Variants in RBFOX1 observed in about 807,000 individuals in gnomAD.
The protein encoded by RBFOX1 is RNA binding fox-1 homolog 1, also known as RNA binding protein fox-1 homolog 1.
In RBFOX1, 8 loss-of-function variants were observed where a neutral mutation model predicts 57.7. That is an observed-to-expected ratio of 0.14 (90% CI 0.08 to 0.25). The LOEUF is 0.25. Among genes scored for constraint, RBFOX1 ranks in the 10% least tolerant of loss-of-function variants. The pLI is 1.00. For missense variants in RBFOX1, 611 were observed against 548.5 expected (o/e 1.11, Z -1.14); for synonymous variants, 326 against 222.4 (o/e 1.47, Z -4.15).
At chr16:6,277,923 C>G (rs1479336332) in intron 1 of RBFOX1, among the ~76,000 whole-genome samples, 1 of 152,118 alleles carries the variant, frequency 6.6e-6, no homozygotes, top group Admixed American at 6.6e-5. Flanking sequence ...TGTAAGCTGT[C>G]TTTCACAGCT....
intron 4 of RBFOX1, among the ~76,000 whole-genome samples, chr16:7,490,171 A>T (rs1318289625): frequency 2.0e-5 from 3 of 152,170 alleles, no homozygotes. Context: ...AATTGGCAGA[A>T]ATGTCTGATT....
At chr16:6,296,815 C>G (rs11077025) in intron 1 of RBFOX1, among the ~76,000 whole-genome samples, 110,155 of 152,084 alleles carry the variant, frequency 0.72, 40,245 homozygotes, top group East Asian at 0.99. Context: ...CATGTGTTAC[C>G]ACACCGAGGT....
At chr16:7,213,708 A>G (rs966018535) in intron 4 of RBFOX1, among the ~76,000 whole-genome samples, 2 of 152,168 alleles carry the variant, frequency 1.3e-5, no homozygotes, top group African/African-American at 4.8e-5. Flanking sequence ...TACTCAAGGG[A>G]CCGAGGTTCC....
At chr16:5,984,978 T>TATATATATATA (rs1567221832) in intron 4 of RBFOX1, among the ~76,000 whole-genome samples, 2 of 51,592 alleles carry the variant, frequency 3.9e-5, no homozygotes, top group African/African-American at 1.8e-4. Flanking sequence ...ATATATATAT[T>TATATATATATA]TTTTTTTTTT....
intron 1 of RBFOX1, among the ~76,000 whole-genome samples, chr16:5,289,596 G>T (rs1016713759): frequency 6.6e-6 from 1 of 152,128 alleles, no homozygotes; most frequent in Non-Finnish European, 1.5e-5. Context: ...TTAAAACGTG[G>T]TTACTACAAA....
chr16:6,112,713 T>G lies in RBFOX1; in HGVS notation c.-127+92721T>G, dbSNP rs78035406. ...TCTCAAAAAAACACCTGGAGCAAGT[T>G]CTGAGGTGAGAGATGGAGTGGAATC... On this transcript the variant is annotated intron_variant, in intron 1 of 15. Coordinates refer to ENST00000550418, the MANE Select transcript of RBFOX1 (RefSeq NM_018723.4). Among the ~76,000 whole-genome samples the G allele has an allele frequency of 0.013, 1,952 of 152,188 alleles. 185 individuals carry two copies. In the East Asian group the frequency reaches 0.24, roughly 18 times the overall value.
At chr16:7,035,291 C>G (rs561121000) in intron 3 of RBFOX1, among the ~76,000 whole-genome samples, 1 of 152,246 alleles carries the variant, frequency 6.6e-6, no homozygotes, top group Non-Finnish European at 1.5e-5. Context: ...ATTCCTCACC[C>G]AGGCTTGCCC....
chr16:6,976,638 C>G (rs1017726341), intron 3 of RBFOX1, among the ~76,000 whole-genome samples: 1 of 150,788 alleles, frequency 6.6e-6, no homozygotes, highest in East Asian at 1.9e-4. Flanking sequence ...CGCATCCACC[C>G]TAGGTACAAT....
chr16:7,013,077 C>A (rs768599934), intron 3 of RBFOX1, among the ~76,000 whole-genome samples: 55 of 152,124 alleles, frequency 3.6e-4, no homozygotes, highest in Non-Finnish European at 5.6e-4. Flanking sequence ...GAGGATCTTA[C>A]TTTTATGATG....
chr16:7,106,090 T>C (rs1359940435), intron 4 of RBFOX1, among the ~76,000 whole-genome samples: 1 of 152,200 alleles, frequency 6.6e-6, no homozygotes, highest in Non-Finnish European at 1.5e-5. Context: ...CCTCCTGTCT[T>C]GAATTCCTCC....
intron 4 of RBFOX1, among the ~76,000 whole-genome samples, chr16:7,376,515 G>C (rs924687359): frequency 2.0e-5 from 3 of 152,156 alleles, no homozygotes; most frequent in African/African-American, 7.2e-5. Flanking sequence ...CCACAGCTCT[G>C]TGTCTGTGAT....
At chr16:5,937,372 T>C (rs1033203912) in intron 4 of RBFOX1, among the ~76,000 whole-genome samples, 2 of 152,158 alleles carry the variant, frequency 1.3e-5, no homozygotes, top group African/African-American at 4.8e-5. Flanking sequence ...ATTAAGCAAA[T>C]GCCATGGTTT....
chr16:5,779,088 T>A (rs1796414005), intron 3 of RBFOX1, among the ~76,000 whole-genome samples: 1 of 152,204 alleles, frequency 6.6e-6, no homozygotes. Context: ...TGTCAATGAC[T>A]AAGTGATCAT....
At chr16:7,491,662 G>T (rs539086929) in intron 4 of RBFOX1, among the ~76,000 whole-genome samples, 9 of 152,066 alleles carry the variant, frequency 5.9e-5, no homozygotes, top group African/African-American at 2.2e-4. Context: ...ACAGGGTCTT[G>T]CTCTGTCACC....
At chr16:6,223,388 C>G (rs1418912102) in intron 1 of RBFOX1, among the ~76,000 whole-genome samples, 2 of 148,676 alleles carry the variant, frequency 1.3e-5, no homozygotes, top group Non-Finnish European at 3.0e-5. Flanking sequence ...TTAATGATTG[C>G]CATTCTAACT....
At chr16:7,385,199 A>G (rs1046336541) in intron 4 of RBFOX1, among the ~76,000 whole-genome samples, 9 of 152,226 alleles carry the variant, frequency 5.9e-5, no homozygotes, top group African/African-American at 2.2e-4. Flanking sequence ...TTACGGATGC[A>G]GAGATTTGCA....
chr16:7,398,616 C>T (rs142629868), intron 4 of RBFOX1, among the ~76,000 whole-genome samples: 1 of 152,190 alleles, frequency 6.6e-6, no homozygotes, highest in African/African-American at 2.4e-5. Flanking sequence ...CATTTCTAGG[C>T]AAGAAATTAT....
chr16:5,884,423 A>C (rs1037148642), intron 4 of RBFOX1, among the ~76,000 whole-genome samples: 2 of 152,054 alleles, frequency 1.3e-5, no homozygotes, highest in African/African-American at 4.8e-5. Flanking sequence ...TGAGTCCACC[A>C]AAATCCATCT....
At chr16:7,132,206 C>G (rs1282651156) in intron 4 of RBFOX1, among the ~76,000 whole-genome samples, 1 of 152,014 alleles carries the variant, frequency 6.6e-6, no homozygotes, top group Non-Finnish European at 1.5e-5. Context: ...GCCTCAAACT[C>G]CTGACTTCGA....
Sources: allele counts gnomAD v4.1 joint callset (sites outside exome capture counted in the v4.1 genomes callset), GRCh38; gene constraint gnomAD v4.1.1; transcripts MANE v1.5; gene names NCBI Gene and HGNC (gene_info 2026-07-23, HGNC 2026-07-21).